Variants in FCN1 observed in about 807,000 individuals in gnomAD.
FCN1 encodes ficolin 1, also known as ficolin-1.
FCN1 carries 42 observed loss-of-function variants against 35.6 expected under a neutral mutation model. The observed-to-expected ratio is 1.18, with a 90% CI of 0.92 to 1.53. The LOEUF is 1.53. Ranked by LOEUF, FCN1 falls within the 40% of genes most tolerant of loss-of-function variation. The probability of loss-of-function intolerance (pLI) is 0.00; values close to 1 mark genes in which losing one functional copy is unlikely to be tolerated. For synonymous variants in FCN1, 179 were observed against 169.8 expected, an observed-to-expected ratio of 1.05 and a Z score of -0.42; for missense variants, 439 against 428.4, an observed-to-expected ratio of 1.02 and a Z score of -0.22.
Position 134,909,448 on chromosome 9 carries a change from G to A in FCN1, c.*350C>T, listed in dbSNP as rs1024462383. The A allele has an allele frequency of 2.1e-5, 27 of 1,292,488 alleles. No individual in the cohort carries two copies. Among genetic ancestry groups the A allele is most frequent in the African/African-American group, 9.1e-5 (6 of 66,148 alleles). 80.1% of individuals were successfully genotyped at this position (1,292,488 alleles called of 1,614,324 possible). A position where few individuals can be genotyped will look rare whatever the true frequency, so the allele number is the denominator to read the frequency against. Reference sequence around the variant, plus strand: ...AAGTCACTCAACCTCCCTGAACATCGGTAGTGCCATCTGCTAAATAAGGGT... The same window carrying A: ...AAGTCACTCAACCTCCCTGAACATCAGTAGTGCCATCTGCTAAATAAGGGT... On this transcript the variant is annotated 3_prime_UTR_variant, in exon 9 of 9. Transcript: ENST00000371806.
rs1212952656 is a variant in FCN1 at position 134,909,522 on chromosome 9, A to G, written c.*276T>C. The G allele has an allele frequency of 7.3e-7, 1 of 1,368,790 alleles. No individual in the cohort carries two copies. Among genetic ancestry groups the G allele is most frequent in the East Asian group, 4.0e-5 (1 of 24,740 alleles). The allele number at this position is 1,368,790 out of a possible 1,614,324, so 84.8% of individuals were successfully genotyped here. ...ATTCCAGGGAAAGACCTGCCGTGCA[A>G]CAGACACAGGAAAGTGATCAAAACC... is the stretch of plus-strand genomic sequence containing the variant. On this transcript the variant is annotated 3_prime_UTR_variant, in exon 9 of 9. Coordinates refer to ENST00000371806, the MANE Select transcript of FCN1 (RefSeq NM_002003.5).
chr9:134,913,467 G>T, intron 5 of FCN1, 114 bp downstream of exon 5: 2 of 792,842 alleles, frequency 2.5e-6, no homozygotes, highest in East Asian at 2.6e-5. Flanking sequence ...ATTGAGGGGG[G>T]GATGATAGGT....
intron 1 of FCN1, 139 bp downstream of exon 1, chr9:134,917,630 C>T (rs984623015): frequency 6.4e-6 from 4 of 622,202 alleles, no homozygotes; most frequent in Non-Finnish European, 1.2e-5. Context: ...GCCTCCATGT[C>T]CTTGCCTGAG....
Position 134,909,663 on chromosome 9 carries a change from G to GAGCTGGGGGCAAAGGGGC in FCN1, c.*117_*134dup. The GAGCTGGGGGCAAAGGGGC allele has an allele frequency of 4.4e-6, 7 of 1,594,486 alleles. No individual in the cohort carries two copies. Among genetic ancestry groups the GAGCTGGGGGCAAAGGGGC allele is most frequent in the Non-Finnish European group, 5.9e-6 (7 of 1,177,340 alleles). On this transcript the variant is annotated 3_prime_UTR_variant, in exon 9 of 9. Coordinates refer to ENST00000371806, the MANE Select transcript of FCN1 (RefSeq NM_002003.5). The stretch of plus-strand genomic sequence containing the variant: ...GTTGTGGGCATGTGGCGGCTTGACT[G>GAGCTGGGGGCAAAGGGGC]AGCTGGGGGCAAAGGGGCAGCTGTG...
In FCN1 at chr9:134,914,745, C is replaced by A. The variant is rs757389910; in HGVS notation, c.271+11G>T. On this transcript the variant is annotated intron_variant, in intron 3 of 8. Transcript: ENST00000371806. ...TGCTCAAGGCCTCCTCGCTGTCTGT[C>A]CCCTGGTTACCTTTGGGCCCCACTG... The A allele has an allele frequency of 9.3e-6, 15 of 1,607,770 alleles. No homozygotes were observed. Among genetic ancestry groups the A allele is most frequent in the Non-Finnish European group, 1.3e-5 (15 of 1,175,576 alleles).
Position 134,903,838 on chromosome 9 carries a change from G to A in FCN1, c.*5960C>T, listed in dbSNP as rs1292986022. 6.6e-6 allele frequency among the ~76,000 whole-genome samples: 1 copy of A among 152,158 alleles called. No individual in the cohort carries two copies. Among genetic ancestry groups the A allele is most frequent in the Non-Finnish European group, 1.5e-5 (1 of 68,036 alleles). On this transcript the variant is annotated 3_prime_UTR_variant, in exon 9 of 9. Coordinates refer to ENST00000371806, the MANE Select transcript of FCN1 (RefSeq NM_002003.5). The stretch of plus-strand genomic sequence containing the variant: ...AAGTGGAGAAGTGGAGCCAAGCATT[G>A]GAGTCTACACTGGCTATTCTATAAC...
intron 8 of FCN1, 92 bp from the exon 9 acceptor site, chr9:134,910,137 C>T: frequency 2.5e-6 from 3 of 1,194,488 alleles, no homozygotes; most frequent in Non-Finnish European, 3.7e-6. Flanking sequence ...CAGAGCCAAC[C>T]TCACTTTAGC....
Position 134,909,472 on chromosome 9 carries a change from G to T in FCN1, c.*326C>A. ...CGGTAGTGCCATCTGCTAAATAAGG[G>T]TCCTGACTCTTCCCGACTTACCAAA... On this transcript the variant is annotated 3_prime_UTR_variant, in exon 9 of 9. Transcript: ENST00000371806. The T allele has an allele frequency of 7.6e-7, 1 of 1,311,240 alleles. No individual in the cohort carries two copies. Among genetic ancestry groups the T allele is most frequent in the Non-Finnish European group, 1.0e-6 (1 of 1,003,082 alleles). The allele number at this position is 1,311,240 out of a possible 1,614,324, so 81.2% of individuals were successfully genotyped here. A position where few individuals can be genotyped will look rare whatever the true frequency, so the allele number is the denominator to read the frequency against.
rs929253229 is a variant in FCN1 at position 134,909,361 on chromosome 9, G to A, written c.*437C>T. On this transcript the variant is annotated 3_prime_UTR_variant, in exon 9 of 9. Transcript: ENST00000371806. Reference sequence around the variant, plus strand: ...GAGTGAGGCATGGGGGGATGGGGGAGGCTTGGGGGTGGAGGTGAGGATCGC... The same window carrying A: ...GAGTGAGGCATGGGGGGATGGGGGAAGCTTGGGGGTGGAGGTGAGGATCGC... The A allele has an allele frequency of 1.6e-6, 2 of 1,289,866 alleles. No individual in the cohort carries two copies. The highest frequency in any genetic ancestry group is 1.0e-6 in the Non-Finnish European group (1 of 989,000). 79.9% of individuals were successfully genotyped at this position (1,289,866 alleles called of 1,614,324 possible). A position where few individuals can be genotyped will look rare whatever the true frequency, so the allele number is the denominator to read the frequency against.
chr9:134,911,263 G>C lies in FCN1; in HGVS notation c.603C>G (p.Ser201Arg). The C allele has an allele frequency of 6.2e-7, 1 of 1,613,930 alleles. No homozygotes were observed. The highest frequency in any genetic ancestry group is 2.2e-5 in the East Asian group (1 of 44,878). The change falls in exon 8 of 9, where the codon AGC becomes AGG. Residue 201 changes from serine (S) to arginine (R), a missense_variant. Physicochemically the swap from Ser to Arg is moderately radical, Grantham distance 110. Transcript: ENST00000371806. ...DNIHALTAQG[S>R]SELRVDLVDF... ...CCACCAGGTCTACACGGAGCTCGCT[G>C]CTTCCTGTTGGAAAAAGATTTTAAG... is the stretch of plus-strand genomic sequence containing the variant.
At chr9:134,915,785 T>G (rs184595877) in intron 2 of FCN1, among the ~76,000 whole-genome samples, 8 of 152,300 alleles carry the variant, frequency 5.3e-5, no homozygotes, top group Admixed American at 2.0e-4. Flanking sequence ...ATGCCATGCT[T>G]AGGGGGACCC....
chr9:134,911,022 G>T, intron 8 of FCN1, 111 bp downstream of exon 8: 1 of 1,116,854 alleles, frequency 9.0e-7, no homozygotes, highest in Non-Finnish European at 1.3e-6. Flanking sequence ...TTCATAGATG[G>T]AGAAATGGGA....
chr9:134,917,704 C>G (rs1831108235), intron 1 of FCN1, 65 bp downstream of exon 1: 2 of 1,036,322 alleles, frequency 1.9e-6, no homozygotes, highest in African/African-American at 1.6e-5. Context: ...GCCTGGGACA[C>G]CCGAGTGTCA....
intron 6 of FCN1, among the ~76,000 whole-genome samples, 158 bp downstream of exon 6, chr9:134,912,858 C>T (rs764206009): frequency 9.8e-5 from 15 of 152,322 alleles, no homozygotes; most frequent in South Asian, 2.1e-4. Flanking sequence ...CCAGCCTCCC[C>T]GATGGCCTGG....
chr9:134,913,468 G>A lies in FCN1; in HGVS notation c.340+113C>T, dbSNP rs534856960. ...CCATTACTCGAGTGATTGAGGGGGG[G>A]ATGATAGGTGCAGACAGGGTTCTGT... is the stretch of plus-strand genomic sequence containing the variant. On this transcript the variant is annotated intron_variant, in intron 5 of 8. Transcript: ENST00000371806. 10 of 797,818 alleles carry A rather than the reference G, an allele frequency of 1.3e-5. No homozygotes were observed. In the South Asian group the frequency reaches 1.6e-4, roughly 13 times the overall value. 49.4% of individuals were successfully genotyped at this position (797,818 alleles called of 1,614,324 possible). A position where few individuals can be genotyped will look rare whatever the true frequency, so the allele number is the denominator to read the frequency against.
rs866918253 is a variant in FCN1, at chr9:134,915,251, C to A, written c.218-442G>T. Among the ~76,000 whole-genome samples, 11 of 152,280 alleles carry A rather than the reference C, an allele frequency of 7.2e-5. No individual in the cohort carries two copies. The South Asian group carries it at 2.1e-3, about 29-fold the overall frequency. On this transcript the variant is annotated intron_variant, in intron 2 of 8. Transcript: ENST00000371806. ...GCAGCCGCTGCTGCCAGGGAGGATCCGGTTCCACCGTGCGCCTGAGCTCCT... is the reference window on the plus strand; with the variant it reads ...GCAGCCGCTGCTGCCAGGGAGGATCAGGTTCCACCGTGCGCCTGAGCTCCT...
In FCN1 at chr9:134,909,370, G is replaced by A; in HGVS notation, c.*428C>T. Reference sequence around the variant, plus strand: ...ATGGGGGGATGGGGGAGGCTTGGGGGTGGAGGTGAGGATCGCCCTGTGTCA... The same window carrying A: ...ATGGGGGGATGGGGGAGGCTTGGGGATGGAGGTGAGGATCGCCCTGTGTCA... On this transcript the variant is annotated 3_prime_UTR_variant, in exon 9 of 9. Coordinates refer to ENST00000371806, the MANE Select transcript of FCN1 (RefSeq NM_002003.5). 1.6e-6 allele frequency: 2 copies of A among 1,289,396 alleles called. No individual in the cohort carries two copies. Among genetic ancestry groups the A allele is most frequent in the Non-Finnish European group, 2.0e-6 (2 of 988,562 alleles). 79.9% of individuals were successfully genotyped at this position (1,289,396 alleles called of 1,614,324 possible). A position where few individuals can be genotyped will look rare whatever the true frequency, so the allele number is the denominator to read the frequency against.
chr9:134,912,190 G>A (rs1392443826), intron 7 of FCN1, among the ~76,000 whole-genome samples: 3 of 152,178 alleles, frequency 2.0e-5, no homozygotes, highest in Admixed American at 6.5e-5. Context: ...GGAGATGGGG[G>A]AAGGCTACCC....
Position 134,912,533 on chromosome 9 carries a change from C to T in FCN1, c.551G>A (p.Gly184Glu), listed in dbSNP as rs1375749809. ...GTTGTCATTCCCCAGCCAGAACTCC[C>T]CCAGCTGACTGCCGAAGCCCTGCTT... ...AYKQGFGSQL[G>E]EFWLGNDNIH... is the part of the protein sequence containing the mutation. The change falls in exon 7 of 9, where the codon GGG becomes GAG. Residue 184 changes from glycine to glutamate, a missense_variant. Coordinates refer to ENST00000371806, the MANE Select transcript of FCN1 (RefSeq NM_002003.5). 6.8e-6 allele frequency: 11 copies of T among 1,613,948 alleles called. No homozygotes were observed. The African/African-American group carries it at 1.3e-4, about 20-fold the overall frequency.
Sources: gnomAD v4.1 joint callset for allele counts (sites outside exome capture counted in the v4.1 genomes callset) on GRCh38, gnomAD v4.1.1 for gene constraint, MANE v1.5 for transcripts, NCBI Gene and HGNC (gene_info 2026-07-23, HGNC 2026-07-21) for gene names.